JAK1: variants seen among roughly 807,000 people sequenced by gnomAD.
JAK1 encodes Janus kinase 1, also known as tyrosine-protein kinase JAK1.
Under a neutral mutation model 136.6 loss-of-function variants are expected in JAK1, and 16 were observed. That is an observed-to-expected ratio of 0.12 (90% CI 0.08 to 0.18). The LOEUF (loss-of-function observed/expected upper bound fraction) is 0.18. JAK1 is among the 10% of genes least tolerant of loss of function. JAK1 has a pLI of 1.00. For missense variants in JAK1, 859 were observed against 1,450.1 expected (o/e 0.59, Z 6.62); for synonymous variants, 492 against 519.5 (o/e 0.95, Z 0.72).
chr1:64,917,571 G>A (rs940669236), intron 1 of JAK1, among the ~76,000 whole-genome samples: 2 of 152,148 alleles, frequency 1.3e-5, no homozygotes, highest in Non-Finnish European at 2.9e-5. Context: ...CAAGATCCCC[G>A]TAGACTGCAT....
intron 2 of JAK1, among the ~76,000 whole-genome samples, chr1:65,040,944 C>A (rs1647126420): frequency 6.6e-6 from 1 of 152,002 alleles, no homozygotes; most frequent in South Asian, 2.1e-4. Flanking sequence ...GACTTGGGGT[C>A]TGGGGAGGGC....
At chr1:64,977,830 C>G (rs1646510911) in intron 2 of JAK1, among the ~76,000 whole-genome samples, 1 of 152,212 alleles carries the variant, frequency 6.6e-6, no homozygotes, top group African/African-American at 2.4e-5. Flanking sequence ...TGTGTTATCT[C>G]ATTTAATCCT....
At chr1:64,843,061 CT>C (rs1655007963) in intron 17 of JAK1, among the ~76,000 whole-genome samples, 1 of 152,154 alleles carries the variant, frequency 6.6e-6, no homozygotes, top group African/African-American at 2.4e-5. Context: ...CTCCAAGCCC[CT>C]CCCTCCTCCA....
At chr1:65,024,235 G>T (rs1646959500) in intron 2 of JAK1, among the ~76,000 whole-genome samples, 1 of 152,058 alleles carries the variant, frequency 6.6e-6, no homozygotes, top group South Asian at 2.1e-4. Flanking sequence ...AAGGTACAAG[G>T]GTTCTAATTT....
intron 1 of JAK1, among the ~76,000 whole-genome samples, chr1:65,045,962 T>C (rs1647179661): frequency 6.6e-6 from 1 of 152,190 alleles, no homozygotes; most frequent in Admixed American, 6.5e-5. Flanking sequence ...ATCTGTCTTC[T>C]CAAGAGCTAA....
chr1:64,970,134 CAAAAA>C (rs1232133832), upstream of JAK1, among the ~76,000 whole-genome samples: 3 of 49,502 alleles, frequency 6.1e-5, no homozygotes, highest in Admixed American at 4.2e-4. Context: ...GACCCTGTCT[CAAAAA>C]AAAAAAAAAA....
intron 13 of JAK1, 60 bp downstream of exon 13, chr1:64,847,472 T>C: frequency 1.3e-6 from 2 of 1,597,166 alleles, no homozygotes; most frequent in Non-Finnish European, 1.7e-6. Context: ...CAACCCATTG[T>C]GTTCCACTGG....
intron 2 of JAK1, chr1:64,985,231 A>G: frequency 6.3e-7 from 1 of 1,598,338 alleles, no homozygotes; most frequent in South Asian, 1.1e-5. Flanking sequence ...GAGTAATAGA[A>G]CACAGTATTG....
At chr1:64,912,658 T>G (rs12059545) in intron 1 of JAK1, among the ~76,000 whole-genome samples, 2 of 152,114 alleles carry the variant, frequency 1.3e-5, no homozygotes, top group Admixed American at 1.3e-4. Flanking sequence ...ACTACTCTCA[T>G]CCCCATTTTA....
At chr1:64,997,621 T>C (rs1003884435) in intron 2 of JAK1, among the ~76,000 whole-genome samples, 1 of 151,994 alleles carries the variant, frequency 6.6e-6, no homozygotes, top group Admixed American at 6.6e-5. Context: ...AACCTAGGGG[T>C]CCTGGACTTT....
In JAK1 at chr1:64,867,207, A is replaced by G. The variant is rs1370738353; in HGVS notation, c.649T>C (p.Tyr217His). The stretch of plus-strand genomic sequence containing the variant: ...AATGTTTCTGGAATATATCGCTTGT[A>G]GCTAAAAGACAGTAGAAAAGTACAT... The part of the protein sequence containing the change: ...QLPELPKDIS[Y>H]KRYIPETLNK... The change falls in exon 7 of 25, where the codon TAC becomes CAC. Residue 217 changes from tyrosine (Y) to histidine (H), a missense_variant and splice_region_variant. Transcript: ENST00000342505. 6.3e-7 allele frequency: 1 copy of G among 1,588,860 alleles called. No homozygotes were observed. Among genetic ancestry groups the G allele is most frequent in the Non-Finnish European group, 8.6e-7 (1 of 1,163,798 alleles).
intron 2 of JAK1, among the ~76,000 whole-genome samples, chr1:65,032,434 A>G (rs1647031717): frequency 6.6e-6 from 1 of 152,218 alleles, no homozygotes; most frequent in Non-Finnish European, 1.5e-5. Context: ...GTGGTTGTTT[A>G]CAGCGAGCCC....
chr1:65,044,647 A>G (rs1223797427), intron 1 of JAK1, among the ~76,000 whole-genome samples: 1 of 152,160 alleles, frequency 6.6e-6, no homozygotes. Flanking sequence ...AGTAGTTCCA[A>G]TTTGGTCTTG....
intron 2 of JAK1, among the ~76,000 whole-genome samples, chr1:65,038,193 CTTTTCT>C: frequency 2.1e-5 from 3 of 143,052 alleles, no homozygotes; most frequent in African/African-American, 7.9e-5. Flanking sequence ...TTTCTTTTTT[CTTTTCT>C]TTTTTTTTTT....
chr1:64,921,030 T>C (rs1196930703), intron 1 of JAK1, among the ~76,000 whole-genome samples: 2 of 152,224 alleles, frequency 1.3e-5, no homozygotes, highest in Non-Finnish European at 2.9e-5. Flanking sequence ...ACTTTTAACC[T>C]GAAAACTGCT....
chr1:65,001,016 C>T (rs542551051), intron 2 of JAK1, among the ~76,000 whole-genome samples: 26 of 151,982 alleles, frequency 1.7e-4, no homozygotes, highest in African/African-American at 5.8e-4. Context: ...ATTCATATTC[C>T]CAACATTCCA....
chr1:64,909,097 T>C (rs982319629), intron 1 of JAK1, among the ~76,000 whole-genome samples: 1 of 152,244 alleles, frequency 6.6e-6, no homozygotes, highest in Non-Finnish European at 1.5e-5. Flanking sequence ...CACATTTTTA[T>C]TTCTCCTTCC....
chr1:64,994,476 T>C (rs1646685652), intron 2 of JAK1, among the ~76,000 whole-genome samples: 2 of 152,140 alleles, frequency 1.3e-5, no homozygotes, highest in Admixed American at 6.5e-5. Context: ...GATGTCAGTG[T>C]CGAGGGCTCT....
intron 1 of JAK1, among the ~76,000 whole-genome samples, chr1:64,894,271 G>A (rs774794437): frequency 9.2e-5 from 14 of 152,220 alleles, no homozygotes; most frequent in African/African-American, 2.9e-4. Flanking sequence ...AGGAGGAATC[G>A]AAGAGGTTGA....
Sources: gnomAD v4.1 joint callset for allele counts (sites outside exome capture counted in the v4.1 genomes callset) on GRCh38, gnomAD v4.1.1 for gene constraint, MANE v1.5 for transcripts, NCBI Gene and HGNC (gene_info 2026-07-23, HGNC 2026-07-21) for gene names.